GRM7: variants seen among roughly 807,000 people sequenced by gnomAD.
GRM7 encodes glutamate metabotropic receptor 7.
Under a neutral mutation model 84.5 loss-of-function variants are expected in GRM7, and 35 were observed. The observed-to-expected ratio is 0.41, with a 90% CI of 0.32 to 0.55. The LOEUF (loss-of-function observed/expected upper bound fraction) is 0.55. Ranked by LOEUF, GRM7 falls within the 20% of genes least tolerant of loss-of-function variation. The probability of loss-of-function intolerance (pLI) is 0.19; values close to 1 mark genes in which losing one functional copy is unlikely to be tolerated. For missense variants in GRM7, 1,003 were observed against 1,194.6 expected (o/e 0.84, Z 2.36); for synonymous variants, 487 against 455.1 (o/e 1.07, Z -0.89).
Position 6,873,708 on chromosome 3 carries a change from C to G in GRM7, c.519+11801C>G, listed in dbSNP as rs544515491. Among the ~76,000 whole-genome samples, 5 of 152,324 alleles carry G rather than the reference C, an allele frequency of 3.3e-5. No individual in the cohort carries two copies. In the East Asian group the frequency reaches 9.6e-4, roughly 29 times the overall value. On this transcript the variant is annotated intron_variant, in intron 1 of 9. Transcript: ENST00000357716. ...TTTCCTAGCCTTATTCCATTATCCC[C>G]TAACTCCAGTTCCTGTCATGCACCC... is the stretch of plus-strand genomic sequence containing the variant.
At chr3:7,351,979 T>C (rs1040951181) in intron 4 of GRM7, among the ~76,000 whole-genome samples, 13 of 151,776 alleles carry the variant, frequency 8.6e-5, no homozygotes, top group African/African-American at 3.1e-4. Context: ...TTTGCGATTA[T>C]GTGAGCCAAT....
At chr3:7,433,738 T>A (rs544913073) in intron 5 of GRM7, among the ~76,000 whole-genome samples, 1 of 152,156 alleles carries the variant, frequency 6.6e-6, no homozygotes, top group Non-Finnish European at 1.5e-5. Flanking sequence ...ACAACTAAAA[T>A]ATATTCCCTA....
chr3:7,594,801 A>G (rs1251706816), intron 8 of GRM7, among the ~76,000 whole-genome samples: 1 of 152,122 alleles, frequency 6.6e-6, no homozygotes, highest in Non-Finnish European at 1.5e-5. Flanking sequence ...GCCCCCACAC[A>G]GAGAGCAAGG....
At chr3:7,422,037 G>T (rs1696418096) in intron 5 of GRM7, among the ~76,000 whole-genome samples, 1 of 151,822 alleles carries the variant, frequency 6.6e-6, no homozygotes, top group Admixed American at 6.6e-5. Flanking sequence ...TGAGGCTGCA[G>T]TGAGCTGTGA....
rs55732650 is a variant in GRM7, at chr3:7,176,229, T to TAAAA, written c.736+29591_736+29594dup. ...AAGGAGACCTCATCTCTATAAAAAGTAAAAAAAAAAAAAAAAAAAAAAAAA... is the reference window on the plus strand; with the variant it reads ...AAGGAGACCTCATCTCTATAAAAAGTAAAAAAAAAAAAAAAAAAAAAAAAAAAAA... On this transcript the variant is annotated intron_variant, in intron 2 of 9. Coordinates refer to ENST00000357716, the MANE Select transcript of GRM7 (RefSeq NM_000844.4). Among the ~76,000 whole-genome samples, 84 of 63,138 alleles carry TAAAA rather than the reference T, an allele frequency of 1.3e-3. 4 individuals are homozygous for TAAAA. The highest frequency in any genetic ancestry group is 3.1e-3 in the African/African-American group (49 of 15,824). 41.4% of individuals were successfully genotyped at this position (63,138 alleles called of 152,430 possible).
intron 2 of GRM7, among the ~76,000 whole-genome samples, chr3:7,175,039 C>G (rs1021069244): frequency 6.6e-6 from 1 of 152,174 alleles, no homozygotes; most frequent in Admixed American, 6.5e-5. Flanking sequence ...GGAGCGAGAT[C>G]AGGCCCAAAC....
intron 2 of GRM7, among the ~76,000 whole-genome samples, chr3:7,175,127 T>C (rs1298094411): frequency 6.6e-6 from 1 of 152,238 alleles, no homozygotes; most frequent in East Asian, 1.9e-4. Context: ...TCTAAATTGA[T>C]GTTTTCAGTT....
At chr3:7,243,496 G>C (rs1402527343) in intron 2 of GRM7, among the ~76,000 whole-genome samples, 1 of 152,058 alleles carries the variant, frequency 6.6e-6, no homozygotes, top group Non-Finnish European at 1.5e-5. Context: ...ACAATAATGA[G>C]AGAGTTTTTA....
At chr3:7,691,988 C>G (rs889369313) in intron 9 of GRM7, among the ~76,000 whole-genome samples, 2 of 152,050 alleles carry the variant, frequency 1.3e-5, no homozygotes, top group Non-Finnish European at 2.9e-5. Context: ...GCTTTCCTTT[C>G]TCTTTTTTGT....
At chr3:6,957,326 G>C (rs1162050824) in intron 1 of GRM7, among the ~76,000 whole-genome samples, 1 of 152,148 alleles carries the variant, frequency 6.6e-6, no homozygotes, top group Non-Finnish European at 1.5e-5. Context: ...CTGAGGGCAG[G>C]GATCTCAGAG....
chr3:7,343,351 A>G (rs1187976752), intron 4 of GRM7, among the ~76,000 whole-genome samples: 1 of 152,016 alleles, frequency 6.6e-6, no homozygotes, highest in Non-Finnish European at 1.5e-5. Context: ...CTCCTGCCTC[A>G]GCCTCCTGAG....
chr3:7,555,243 C>A (rs1397631474), intron 7 of GRM7, among the ~76,000 whole-genome samples: 4 of 152,088 alleles, frequency 2.6e-5, no homozygotes, highest in African/African-American at 9.7e-5. Context: ...ATTATTGTGG[C>A]TGTCACTAGT....
chr3:7,284,460 T>C (rs1055627217), intron 2 of GRM7, among the ~76,000 whole-genome samples: 1 of 152,152 alleles, frequency 6.6e-6, no homozygotes, highest in African/African-American at 2.4e-5. Context: ...AGAGATCTAT[T>C]AATAGTTTGG....
intron 4 of GRM7, among the ~76,000 whole-genome samples, chr3:7,350,725 G>A (rs994816958): frequency 2.0e-4 from 31 of 152,074 alleles, no homozygotes; most frequent in African/African-American, 7.2e-4. Flanking sequence ...CCTCCTTTTA[G>A]TGAAACTTGG....
chr3:7,321,410 C>T (rs1700776575), intron 4 of GRM7, among the ~76,000 whole-genome samples: 1 of 151,984 alleles, frequency 6.6e-6, no homozygotes, highest in Admixed American at 6.6e-5. Flanking sequence ...AGAAACTAAC[C>T]TCTGACCAGT....
At chr3:7,458,222 C>G (rs992754244) in intron 6 of GRM7, among the ~76,000 whole-genome samples, 2 of 152,168 alleles carry the variant, frequency 1.3e-5, no homozygotes, top group Non-Finnish European at 2.9e-5. Context: ...AATCTGTTAT[C>G]TGTCCTTTAC....
At chr3:6,925,246 T>C (rs1037950632) in intron 1 of GRM7, among the ~76,000 whole-genome samples, 10 of 152,232 alleles carry the variant, frequency 6.6e-5, no homozygotes, top group African/African-American at 2.2e-4. Context: ...AGGAGATTGA[T>C]GTCTGCTGGC....
chr3:7,219,697 T>A (rs971437500), intron 2 of GRM7, among the ~76,000 whole-genome samples: 6 of 152,196 alleles, frequency 3.9e-5, no homozygotes, highest in African/African-American at 1.4e-4. Flanking sequence ...TTCTTGCTGT[T>A]AGTGTCAGCC....
At position 7,322,859 on chromosome 3, in the gene GRM7, G is replaced by T. The variant is rs148679591; in HGVS notation, c.1033+16207G>T. 5.0e-4 allele frequency among the ~76,000 whole-genome samples: 76 copies of T among 152,172 alleles called. 2 individuals are homozygous for T. Among genetic ancestry groups the T allele is most frequent in the Non-Finnish European group, 6.8e-4 (46 of 67,990 alleles). The stretch of plus-strand genomic sequence containing the variant: ...AAATTCGTTATCCTCTTTTGAAAAT[G>T]AGCTAGGGGAAGTACTGAAAGTGGC... On this transcript the variant is annotated intron_variant, in intron 4 of 9. Transcript: ENST00000357716.
Sources: allele counts gnomAD v4.1 joint callset (sites outside exome capture counted in the v4.1 genomes callset), GRCh38; gene constraint gnomAD v4.1.1; transcripts MANE v1.5; gene names NCBI Gene and HGNC (gene_info 2026-07-23, HGNC 2026-07-21).